Variants in LINGO2 observed in about 807,000 individuals in gnomAD.
The protein encoded by LINGO2 is leucine-rich repeat and immunoglobulin-like domain-containing nogo receptor-interacting protein 2.
LINGO2 carries 14 observed loss-of-function variants against 30.6 expected under a neutral mutation model. The observed-to-expected ratio is 0.46, with a 90% CI of 0.30 to 0.72. The LOEUF (loss-of-function observed/expected upper bound fraction) is 0.72. LINGO2 is among the 30% of genes least tolerant of loss of function. The pLI is 0.07. For missense variants in LINGO2, 729 were observed against 751.7 expected (o/e 0.97, Z 0.35); for synonymous variants, 317 against 288.5 (o/e 1.10, Z -1.00).
chr9:28,839,157 T>G, the LINGO2 span, among the ~76,000 whole-genome samples: 3 of 152,286 alleles, frequency 2.0e-5, no homozygotes, highest in African/African-American at 7.2e-5. Context: ...CTTTCTCCCT[T>G]CTTTCCTTTT....
At chr9:28,064,504 C>A (rs965377060) in intron 4 of LINGO2, among the ~76,000 whole-genome samples, 1 of 152,030 alleles carries the variant, frequency 6.6e-6, no homozygotes, top group Non-Finnish European at 1.5e-5. Flanking sequence ...GGTGAGAATC[C>A]CGACTGTTGA....
the LINGO2 span, among the ~76,000 whole-genome samples, chr9:29,047,140 T>C: frequency 6.6e-6 from 1 of 151,324 alleles, no homozygotes; most frequent in Admixed American, 6.6e-5. Context: ...ATTAGCAACC[T>C]ATGCATCCCC....
the LINGO2 span, among the ~76,000 whole-genome samples, chr9:29,054,418 T>C: frequency 5.3e-5 from 8 of 152,176 alleles, no homozygotes; most frequent in South Asian, 2.1e-4. Context: ...TTTCTTTGGA[T>C]TTTGTATGCA....
At chr9:28,103,713 C>G (rs990774759) in intron 4 of LINGO2, among the ~76,000 whole-genome samples, 7 of 152,178 alleles carry the variant, frequency 4.6e-5, no homozygotes, top group African/African-American at 1.4e-4. Context: ...TTTTACTTCA[C>G]TAAGTTGTGG....
chr9:28,126,329 A>G (rs1827235300), intron 4 of LINGO2, among the ~76,000 whole-genome samples: 1 of 152,196 alleles, frequency 6.6e-6, no homozygotes, highest in Non-Finnish European at 1.5e-5. Flanking sequence ...TCGAAGGTTC[A>G]TTTAGAAGAC....
At chr9:28,895,720 G>A in the LINGO2 span, among the ~76,000 whole-genome samples, 1 of 151,990 alleles carries the variant, frequency 6.6e-6, no homozygotes, top group Non-Finnish European at 1.5e-5. Context: ...CAGAACCTAA[G>A]TGTTACGGGG....
rs139479810 is a variant in LINGO2 at position 28,522,133 on chromosome 9, G to C, written c.-364-46108C>G. Among the ~76,000 whole-genome samples, 393 of 152,274 alleles carry C rather than the reference G, an allele frequency of 2.6e-3. 4 individuals are homozygous for C. Among genetic ancestry groups the C allele is most frequent in the African/African-American group, 8.9e-3 (369 of 41,558 alleles). On this transcript the variant is annotated intron_variant, in intron 1 of 5. Transcript: ENST00000379992. ...CAATTAAGACAAGCAAAACTTCTAT[G>C]ACAATAAGACCAGAAAAGAAGAGGG...
At chr9:28,429,281 C>T (rs1046763158) in intron 2 of LINGO2, among the ~76,000 whole-genome samples, 2 of 152,096 alleles carry the variant, frequency 1.3e-5, no homozygotes, top group Non-Finnish European at 2.9e-5. Context: ...GGACTTTTTT[C>T]TTCCTAAAAA....
In LINGO2 at chr9:28,355,295, C is replaced by G. The variant is rs1293025797; in HGVS notation, c.-246+17541G>C. On this transcript the variant is annotated intron_variant, in intron 3 of 5. Coordinates refer to ENST00000379992, the Ensembl canonical transcript of LINGO2. The stretch of plus-strand genomic sequence containing the variant: ...TCTGTCTCTGTCTCTCTCTCTCTCT[C>G]TATGTCTCTCTCTCTCTCTCTCTCT... Among the ~76,000 whole-genome samples the G allele has an allele frequency of 2.4e-4, 7 of 29,722 alleles. 1 individual carries two copies. The Admixed American group carries it at 2.4e-3, about 10-fold the overall frequency. The allele number at this position is 29,722 out of a possible 152,430, so 19.5% of individuals were successfully genotyped here.
intron 1 of LINGO2, among the ~76,000 whole-genome samples, chr9:28,668,196 T>C (rs1213380588): frequency 6.6e-6 from 1 of 152,138 alleles, no homozygotes; most frequent in East Asian, 1.9e-4. Context: ...AATAATTCAG[T>C]ACCCGAGGTG....
At chr9:28,064,135 C>A (rs935787509) in intron 4 of LINGO2, among the ~76,000 whole-genome samples, 2 of 152,130 alleles carry the variant, frequency 1.3e-5, no homozygotes, top group African/African-American at 4.8e-5. Context: ...GGTCAGCCCC[C>A]GTTAGCAGCA....
chr9:28,277,097 C>G (rs1353457423), intron 4 of LINGO2, among the ~76,000 whole-genome samples: 1 of 152,142 alleles, frequency 6.6e-6, no homozygotes, highest in Non-Finnish European at 1.5e-5. Flanking sequence ...CATTTTTATA[C>G]ATTGAAGGTT....
At chr9:29,097,153 C>T in the LINGO2 span, among the ~76,000 whole-genome samples, 1 of 137,990 alleles carries the variant, frequency 7.2e-6, no homozygotes, top group Non-Finnish European at 1.6e-5. Context: ...TTTCATATAT[C>T]GTTACAAAGT....
chr9:27,967,160 C>T (rs1356088374), intron 5 of LINGO2, among the ~76,000 whole-genome samples: 1 of 152,096 alleles, frequency 6.6e-6, no homozygotes, highest in Non-Finnish European at 1.5e-5. Flanking sequence ...TGGAAATGAA[C>T]AAATAAATTT....
At chr9:27,993,642 C>T (rs898280518) in intron 5 of LINGO2, among the ~76,000 whole-genome samples, 14 of 152,072 alleles carry the variant, frequency 9.2e-5, no homozygotes, top group African/African-American at 2.7e-4. Flanking sequence ...TTTTAGAATG[C>T]CTGCCTCTTT....
the LINGO2 span, among the ~76,000 whole-genome samples, chr9:28,868,102 T>C: frequency 2.6e-5 from 4 of 152,236 alleles, no homozygotes; most frequent in East Asian, 1.9e-4. Flanking sequence ...AGGTGATCCC[T>C]AGAGGCTTGG....
chr9:28,211,261 G>A lies in LINGO2; in HGVS notation c.-87+83947C>T, dbSNP rs182760982. 4.7e-5 allele frequency among the ~76,000 whole-genome samples: 7 copies of A among 149,850 alleles called. No individual in the cohort carries two copies. In the Admixed American group the frequency reaches 4.7e-4, roughly 10 times the overall value. ...TTTGTAATCGTGATTTAGATTAGTT[G>A]GATTTACCAAGAAAACTCCAAATTC... is the stretch of plus-strand genomic sequence containing the variant. On this transcript the variant is annotated intron_variant, in intron 4 of 5. Transcript: ENST00000379992.
intron 4 of LINGO2, among the ~76,000 whole-genome samples, chr9:28,112,013 T>A (rs989847044): frequency 4.5e-5 from 6 of 132,902 alleles, no homozygotes; most frequent in Non-Finnish European, 8.0e-5. Context: ...CACCCACTAA[T>A]GTGTCATCTA....
chr9:28,110,244 T>C (rs184081635), intron 4 of LINGO2, among the ~76,000 whole-genome samples: 1 of 152,268 alleles, frequency 6.6e-6, no homozygotes, highest in East Asian at 1.9e-4. Flanking sequence ...AAAAATTATC[T>C]CAAGATGTAT....
Sources: gnomAD v4.1 joint callset for allele counts (sites outside exome capture counted in the v4.1 genomes callset) on GRCh38, gnomAD v4.1.1 for gene constraint, MANE v1.5 for transcripts, NCBI Gene and HGNC (gene_info 2026-07-23, HGNC 2026-07-21) for gene names.